Variants in NSRP1 observed in about 807,000 individuals in gnomAD.
NSRP1 encodes coiled-coil domain containing 55.
NSRP1 carries 24 observed loss-of-function variants against 54.7 expected under a neutral mutation model. The ratio of observed to expected loss-of-function variants is 0.44; its 90% CI spans 0.32 to 0.62. NSRP1 has a LOEUF of 0.62. NSRP1 is among the 20% of genes least tolerant of loss of function. NSRP1 has a pLI of 0.06. For missense variants in NSRP1, 596 were observed against 651.2 expected (o/e 0.92, Z 0.92); for synonymous variants, 210 against 213.8 (o/e 0.98, Z 0.15).
intron 2 of NSRP1, among the ~76,000 whole-genome samples, chr17:30,129,927 C>G (rs2071684450): frequency 6.6e-6 from 1 of 152,052 alleles, no homozygotes; most frequent in Non-Finnish European, 1.5e-5. Flanking sequence ...GTATATCAAA[C>G]AGTGAGGGAT....
chr17:30,176,145 C>A (rs567460761), intron 3 of NSRP1, among the ~76,000 whole-genome samples: 1 of 151,630 alleles, frequency 6.6e-6, no homozygotes, highest in East Asian at 1.9e-4. Flanking sequence ...TGTTCTGTTA[C>A]TGAGAGGCAT....
intron 2 of NSRP1, among the ~76,000 whole-genome samples, chr17:30,138,171 G>GTATA (rs1360613960): frequency 6.6e-6 from 1 of 152,152 alleles, no homozygotes; most frequent in Non-Finnish European, 1.5e-5. Flanking sequence ...TTCATCCATG[G>GTATA]TATAGCATGT....
At chr17:30,163,500 AT>A (rs1457142623) in intron 2 of NSRP1, among the ~76,000 whole-genome samples, 1 of 151,742 alleles carries the variant, frequency 6.6e-6, no homozygotes, top group Non-Finnish European at 1.5e-5. Context: ...AAGATTTTTT[AT>A]TTTTTTGTAT....
At position 30,185,515 on chromosome 17, in the gene NSRP1, G is replaced by A. The variant is rs753188241; in HGVS notation, c.1518G>A (p.Gly506=). Residue 506 remains glycine, a synonymous_variant, in exon 7 of 7, where the codon GGG becomes GGA. Coordinates refer to ENST00000247026, the MANE Select transcript of NSRP1 (RefSeq NM_032141.4). ...LGAKHRLTEE[G]QEKGKEQERP... is the part of the protein sequence containing the mutation. ...CAAAACACAGACTCACAGAGGAAGG[G>A]CAAGAGAAGGGTAAAGAACAAGAGA... is the stretch of plus-strand genomic sequence containing the variant. The A allele has an allele frequency of 6.2e-7, 1 of 1,614,132 alleles. No homozygotes were observed. The highest frequency in any genetic ancestry group is 8.5e-7 in the Non-Finnish European group (1 of 1,180,022).
Position 30,172,627 on chromosome 17 carries a change from T to C in NSRP1, c.171+29T>C, listed in dbSNP as rs1904995111. The C allele has an allele frequency of 3.2e-6, 5 of 1,567,670 alleles. No homozygotes were observed. In the East Asian group the frequency reaches 9.0e-5, roughly 28 times the overall value. On this transcript the variant is annotated intron_variant, in intron 3 of 6. Transcript: ENST00000247026. The stretch of plus-strand genomic sequence containing the variant: ...AGGTAGAAGACTGGGATAAGTGCAT[T>C]CAGTGAAGCATTCCGGCTCATTTTT...
At chr17:30,141,141 G>T (rs1209265864) in intron 2 of NSRP1, among the ~76,000 whole-genome samples, 1 of 152,066 alleles carries the variant, frequency 6.6e-6, no homozygotes, top group African/African-American at 2.4e-5. Flanking sequence ...ATTATTCATT[G>T]TCCGCTGTCT....
chr17:30,159,278 G>T (rs1904425328), intron 2 of NSRP1, among the ~76,000 whole-genome samples: 1 of 152,046 alleles, frequency 6.6e-6, no homozygotes, highest in East Asian at 1.9e-4. Context: ...CTAGTATATT[G>T]AAAGTTATAC....
At chr17:30,141,910 G>A (rs2071808911) in intron 2 of NSRP1, among the ~76,000 whole-genome samples, 1 of 152,158 alleles carries the variant, frequency 6.6e-6, no homozygotes, top group Non-Finnish European at 1.5e-5. Flanking sequence ...AAACTGAGGT[G>A]GGAGGATCGC....
At chr17:30,120,893 T>G (rs1171394886) in intron 2 of NSRP1, among the ~76,000 whole-genome samples, 2 of 152,200 alleles carry the variant, frequency 1.3e-5, no homozygotes, top group Non-Finnish European at 2.9e-5. Context: ...GTGAATGAAA[T>G]GTAGAGAATG....
intron 2 of NSRP1, among the ~76,000 whole-genome samples, chr17:30,119,958 C>G (rs1267725561): frequency 6.6e-6 from 1 of 152,130 alleles, no homozygotes; most frequent in Non-Finnish European, 1.5e-5. Flanking sequence ...AAGTGTACAG[C>G]TTGATGATTT....
chr17:30,173,550 T>A (rs1490816846), intron 3 of NSRP1, among the ~76,000 whole-genome samples: 1 of 152,214 alleles, frequency 6.6e-6, no homozygotes, highest in Non-Finnish European at 1.5e-5. Flanking sequence ...TCCTCTCCAT[T>A]AGCTTTATAA....
chr17:30,128,520 T>C (rs4239228), intron 2 of NSRP1, among the ~76,000 whole-genome samples: 127,824 of 152,100 alleles, frequency 0.84, 53,713 homozygotes, highest in East Asian at 0.89. Context: ...AGATGGACCT[T>C]TTCTGGAAAG....
chr17:30,169,846 GAA>G (rs968110521), intron 2 of NSRP1, among the ~76,000 whole-genome samples: 2 of 142,400 alleles, frequency 1.4e-5, no homozygotes, highest in Admixed American at 7.0e-5. Flanking sequence ...TTATTACCAT[GAA>G]AAAAAAAAAG....
At chr17:30,143,264 A>G (rs1300238800) in intron 2 of NSRP1, among the ~76,000 whole-genome samples, 5 of 152,226 alleles carry the variant, frequency 3.3e-5, no homozygotes, top group Non-Finnish European at 1.5e-5. Flanking sequence ...AGATCAAATC[A>G]CTTTCTGAAA....
chr17:30,170,209 T>C (rs1904878837), intron 2 of NSRP1, among the ~76,000 whole-genome samples: 1 of 152,134 alleles, frequency 6.6e-6, no homozygotes, highest in Non-Finnish European at 1.5e-5. Context: ...TTGAAAAAAA[T>C]TAATTGTGCA....
rs142635981 is a variant in NSRP1, at chr17:30,168,755, C to A, written c.115-3787C>A. 615 of 151,584 alleles carry A rather than the reference C, an allele frequency of 4.1e-3. 4 individuals carry two copies. The highest frequency in any genetic ancestry group is 0.014 in the African/African-American group (566 of 41,450). The allele number at this position is 151,584 out of a possible 1,614,324, so 9.4% of individuals were successfully genotyped here. A position where few individuals can be genotyped will look rare whatever the true frequency, so the allele number is the denominator to read the frequency against. On this transcript the variant is annotated intron_variant, in intron 2 of 6. Transcript: ENST00000247026. Reference sequence around the variant, plus strand: ...ATATTTTTATATAGGGTTACTATTACAGAAAAAAGTAAAAGTTTTACTGCT... The same window carrying A: ...ATATTTTTATATAGGGTTACTATTAAAGAAAAAAGTAAAAGTTTTACTGCT...
chr17:30,148,000 T>TTGGG (rs1328268054), intron 2 of NSRP1, among the ~76,000 whole-genome samples: 9 of 151,308 alleles, frequency 5.9e-5, no homozygotes, highest in African/African-American at 2.2e-4. Context: ...TTTGGTAGAG[T>TTGGG]TGGGGTTTCC....
chr17:30,181,070 G>C, intron 6 of NSRP1, 54 bp downstream of exon 6: 2 of 1,101,870 alleles, frequency 1.8e-6, no homozygotes, highest in South Asian at 1.2e-5. Flanking sequence ...ATAATCTGTG[G>C]TTGTGGGGTC....
intron 6 of NSRP1, 150 bp downstream of exon 6, chr17:30,181,166 A>G (rs1905279026): frequency 3.3e-6 from 2 of 603,940 alleles, no homozygotes; most frequent in Non-Finnish European, 5.9e-6. Flanking sequence ...ATGGCTAGAA[A>G]TTTGCAGTTT....
Sources: allele counts gnomAD v4.1 joint callset (sites outside exome capture counted in the v4.1 genomes callset), GRCh38; gene constraint gnomAD v4.1.1; transcripts MANE v1.5; gene names NCBI Gene and HGNC (gene_info 2026-07-23, HGNC 2026-07-21).